The following ATXN10 variants were observed in gnomAD, a reference collection of about 807,000 sequenced individuals.
ATXN10 encodes the protein ataxin 10, also known as ataxin-10.
In ATXN10, 28 loss-of-function variants were observed where a neutral mutation model predicts 52.9. That is an observed-to-expected ratio of 0.53 (90% CI 0.39 to 0.73). The LOEUF is 0.73. ATXN10 is among the 30% of genes least tolerant of loss of function. ATXN10 has a pLI of 0.00. For missense variants in ATXN10, 565 were observed against 577.0 expected, an observed-to-expected ratio of 0.98 and a Z score of 0.21; for synonymous variants, 226 against 221.5, an observed-to-expected ratio of 1.02 and a Z score of -0.18.
At chr22:45,710,828 C>A (rs1924217669) in intron 5 of ATXN10, among the ~76,000 whole-genome samples, 1 of 152,100 alleles carries the variant, frequency 6.6e-6, no homozygotes, top group African/African-American at 2.4e-5. Flanking sequence ...TTTGCCAACC[C>A]CATCCATTGA....
rs961518806 is a variant in ATXN10, at chr22:45,766,143, A to G, written c.1173+25605A>G. ...CTGGGAGGAAAAGAAGGAATATTTA[A>G]TAAAAAGTATGGGGACAAGGATATC... is the stretch of plus-strand genomic sequence containing the variant. On this transcript the variant is annotated intron_variant, in intron 9 of 11. Transcript: ENST00000252934. This position sits in a 1 kb window ranked among gnomAD's most constrained non-coding sequence, Gnocchi z 4.6. Among the ~76,000 whole-genome samples the G allele has an allele frequency of 2.6e-5, 4 of 152,222 alleles. No homozygotes were observed. Among genetic ancestry groups the G allele is most frequent in the African/African-American group, 9.6e-5 (4 of 41,456 alleles).
Position 45,842,998 on chromosome 22 carries a change from C to T in ATXN10, c.1245C>T (p.Thr415=), listed in dbSNP as rs371868142. Residue 415 remains threonine, a synonymous_variant, in exon 11 of 12, where the codon ACC becomes ACT. Transcript: ENST00000252934. This position sits in a 1 kb window ranked among gnomAD's most constrained non-coding sequence, Gnocchi z 4.8. ...CCTTCACTCTGGCTCCAGTTCTGAC[C>T]CAGTGGGTGATATATGCCATCCGAA... ...CNISDSNPFL[T]QWVIYAIRNL... The T allele has an allele frequency of 6.2e-7, 1 of 1,613,938 alleles. No homozygotes were observed. Among genetic ancestry groups the T allele is most frequent in the African/African-American group, 1.3e-5 (1 of 74,896 alleles).
intron 10 of ATXN10, among the ~76,000 whole-genome samples, chr22:45,817,278 T>A (rs1039617707): frequency 7.2e-5 from 11 of 152,156 alleles, no homozygotes; most frequent in African/African-American, 2.7e-4. Flanking sequence ...GTTTTGCTTT[T>A]AAGAGAGAAT....
At chr22:45,791,399 T>C (rs2146864997) in intron 9 of ATXN10, among the ~76,000 whole-genome samples, 1 of 152,304 alleles carries the variant, frequency 6.6e-6, no homozygotes, top group South Asian at 2.1e-4. Flanking sequence ...TTAGCATCTA[T>C]GTAAACTTTC....
chr22:45,716,678 A>AC (rs1018027764), intron 5 of ATXN10, among the ~76,000 whole-genome samples: 4 of 152,130 alleles, frequency 2.6e-5, no homozygotes, highest in Non-Finnish European at 4.4e-5. Context: ...GAAATCAGTG[A>AC]CCCACAGTTC....
At chr22:45,799,324 A>T (rs1380343076) in intron 9 of ATXN10, among the ~76,000 whole-genome samples, 1 of 152,206 alleles carries the variant, frequency 6.6e-6, no homozygotes, top group African/African-American at 2.4e-5. Flanking sequence ...GTTGAATTGT[A>T]TCCCCCAAAA....
chr22:45,726,535 T>A (rs954258010), intron 6 of ATXN10, among the ~76,000 whole-genome samples: 1 of 152,250 alleles, frequency 6.6e-6, no homozygotes, highest in African/African-American at 2.4e-5. Context: ...TTTGAGCTAA[T>A]TTGAATTTTC....
chr22:45,689,571 T>TCGGTGG, intron 1 of ATXN10, 141 bp from the exon 2 acceptor site: 1 of 544,940 alleles, frequency 1.8e-6, no homozygotes, highest in Non-Finnish European at 3.2e-6. Context: ...GATCTTTTAT[T>TCGGTGG]TGGTGTTGTA....
In ATXN10 at chr22:45,813,372, G is replaced by C. The variant is rs574323934; in HGVS notation, c.1237+6350G>C. On this transcript the variant is annotated intron_variant, in intron 10 of 11. Coordinates refer to ENST00000252934, the MANE Select transcript of ATXN10 (RefSeq NM_013236.4). ...ATATTGTTTTTACTGGGGGGAGGGT[G>C]TGGGGACAGGGATAGAATGAGAGTC... is the stretch of plus-strand genomic sequence containing the variant. Among the ~76,000 whole-genome samples the C allele has an allele frequency of 1.3e-3, 198 of 148,384 alleles. 2 individuals are homozygous for C. Among genetic ancestry groups the C allele is most frequent in the Middle Eastern group, 3.5e-3 (1 of 284 alleles).
In ATXN10 at chr22:45,738,735, C is replaced by G. The variant is rs1280555943; in HGVS notation, c.899C>G (p.Ala300Gly). The part of the protein sequence containing the change: ...ASEEPPDDEE[A>G]LATIRLLDVL... The stretch of plus-strand genomic sequence containing the variant: ...TATGTTTTCTTTTCTTTCTAGGAGG[C>G]ACTGGCTACAATTAGGCTTCTCGAC... Residue 300 changes from alanine (A) to glycine (G), a missense_variant, in exon 8 of 12, where the codon GCA becomes GGA. By Grantham distance (60) the Ala-to-Gly change is moderately conservative. Transcript: ENST00000252934. 6.2e-7 allele frequency: 1 copy of G among 1,613,170 alleles called. No individual in the cohort carries two copies.
chr22:45,799,351 C>G (rs1927857243), intron 9 of ATXN10, among the ~76,000 whole-genome samples: 1 of 152,162 alleles, frequency 6.6e-6, no homozygotes, highest in Admixed American at 6.5e-5. Flanking sequence ...TGTTGAATTG[C>G]TAAACCCCAA....
Position 45,759,588 on chromosome 22 carries a change from G to A in ATXN10, c.1173+19050G>A, listed in dbSNP as rs1374314651. On this transcript the variant is annotated intron_variant, in intron 9 of 11. Coordinates refer to ENST00000252934, the MANE Select transcript of ATXN10 (RefSeq NM_013236.4). This position sits in a 1 kb window ranked among gnomAD's most constrained non-coding sequence, Gnocchi z 5.4. ...ACTCTTCTTGTGCCATGAAGCAGGA[G>A]GAAAGGCCTCCTGAGGGAGCTGAGG... is the stretch of plus-strand genomic sequence containing the variant. Among the ~76,000 whole-genome samples the A allele has an allele frequency of 6.6e-6, 1 of 152,146 alleles. No individual in the cohort carries two copies. The highest frequency in any genetic ancestry group is 2.4e-5 in the African/African-American group (1 of 41,420).
rs1262584436 is a variant in ATXN10 at position 45,728,635 on chromosome 22, A to G, written c.729-790A>G. Among the ~76,000 whole-genome samples, 4 of 152,364 alleles carry G rather than the reference A, an allele frequency of 2.6e-5. No individual in the cohort carries two copies. In the East Asian group the frequency reaches 7.7e-4, roughly 29 times the overall value. ...TTCTATAGAAATTAGAATTATACGT[A>G]TAATCCCAAATCAAAATGTAATTTT... On this transcript the variant is annotated intron_variant, in intron 6 of 11. Transcript: ENST00000252934. The surrounding 1 kb of genome is among the most constrained non-coding windows in gnomAD (Gnocchi z 4.3).
intron 9 of ATXN10, among the ~76,000 whole-genome samples, chr22:45,782,026 A>T (rs979839851): frequency 6.6e-6 from 1 of 152,246 alleles, no homozygotes; most frequent in Non-Finnish European, 1.5e-5. Context: ...TAATTTCCTC[A>T]ATTTGGCAAA....
chr22:45,749,934 T>A (rs1925883986), intron 9 of ATXN10, among the ~76,000 whole-genome samples: 1 of 152,114 alleles, frequency 6.6e-6, no homozygotes, highest in African/African-American at 2.4e-5. Flanking sequence ...CCGAGAAGCA[T>A]AATTTACCCC....
intron 9 of ATXN10, among the ~76,000 whole-genome samples, chr22:45,798,545 A>G (rs1336216382): frequency 6.6e-6 from 1 of 152,184 alleles, no homozygotes; most frequent in Non-Finnish European, 1.5e-5. Flanking sequence ...AAAGGCATCT[A>G]TGAAAAAAAA....
Position 45,728,173 on chromosome 22 carries a change from T to A in ATXN10, c.729-1252T>A, listed in dbSNP as rs962821841. On this transcript the variant is annotated intron_variant, in intron 6 of 11. Transcript: ENST00000252934. The surrounding 1 kb of genome is among the most constrained non-coding windows in gnomAD (Gnocchi z 4.3). ...TATTTTGTGTTCTCCATTGTGTTACTGTTTTATAGGTGCTGTGCATTTTGT... is the reference window on the plus strand; with the variant it reads ...TATTTTGTGTTCTCCATTGTGTTACAGTTTTATAGGTGCTGTGCATTTTGT... Among the ~76,000 whole-genome samples the A allele has an allele frequency of 6.6e-6, 1 of 152,194 alleles. No individual in the cohort carries two copies. The highest frequency in any genetic ancestry group is 1.5e-5 in the Non-Finnish European group (1 of 68,030).
intron 8 of ATXN10, among the ~76,000 whole-genome samples, chr22:45,739,849 G>C (rs1399635781): frequency 1.3e-5 from 2 of 152,174 alleles, no homozygotes; most frequent in African/African-American, 4.8e-5. Flanking sequence ...TAGAGCAGTG[G>C]TAAGTTCTTT....
At chr22:45,694,950 A>C (rs1181697925) in intron 3 of ATXN10, among the ~76,000 whole-genome samples, 1 of 145,368 alleles carries the variant, frequency 6.9e-6, no homozygotes. Context: ...CAAAAAAAAA[A>C]AAAAAAAAAA....
Sources: allele counts gnomAD v4.1 joint callset (sites outside exome capture counted in the v4.1 genomes callset), GRCh38; gene constraint gnomAD v4.1.1; non-coding constraint Gnocchi (gnomAD v3.1); transcripts MANE v1.5; gene names NCBI Gene and HGNC (gene_info 2026-07-23, HGNC 2026-07-21).